NCOA6: variants seen among roughly 807,000 people sequenced by gnomAD.
NCOA6 encodes NRC RAP250.
A neutral mutation model predicts 171.4 loss-of-function variants in NCOA6; 49 were observed. The observed-to-expected ratio is 0.29, with a 90% CI of 0.23 to 0.36. NCOA6 has a LOEUF of 0.36. Among genes scored for constraint, NCOA6 ranks in the 10% least tolerant of loss-of-function variants. The pLI, the probability that NCOA6 is intolerant of heterozygous loss-of-function variation, is 1.00. For missense variants in NCOA6, 2,248 were observed against 2,554.5 expected (o/e 0.88, Z 2.59); for synonymous variants, 910 against 927.5 (o/e 0.98, Z 0.34).
intron 11 of NCOA6, among the ~76,000 whole-genome samples, chr20:34,738,489 C>G (rs1162978453): frequency 1.3e-5 from 2 of 151,864 alleles, no homozygotes; most frequent in African/African-American, 4.8e-5. Flanking sequence ...ACACCAGGTT[C>G]CCTTTTAATT....
At chr20:34,769,445 C>T (rs1222910623) in intron 4 of NCOA6, among the ~76,000 whole-genome samples, 1 of 150,618 alleles carries the variant, frequency 6.6e-6, no homozygotes, top group East Asian at 1.9e-4. Context: ...CTCACTGCAA[C>T]CTTCATCTCC....
intron 1 of NCOA6, among the ~76,000 whole-genome samples, chr20:34,806,752 C>T (rs943129855): frequency 6.6e-6 from 1 of 152,148 alleles, no homozygotes; most frequent in Non-Finnish European, 1.5e-5. Flanking sequence ...TATGGTGTTT[C>T]ATTGGTCTAT....
At chr20:34,767,783 A>G (rs1483875205) in intron 5 of NCOA6, among the ~76,000 whole-genome samples, 1 of 152,236 alleles carries the variant, frequency 6.6e-6, no homozygotes, top group Middle Eastern at 3.2e-3. Context: ...CCACTAGTGC[A>G]GTGAAAAAAG....
Position 34,740,395 on chromosome 20 carries a change from A to C in NCOA6, c.5861T>G (p.Val1954Gly), listed in dbSNP as rs1214503188. 1 of 1,614,108 alleles carries C rather than the reference A, an allele frequency of 6.2e-7. No homozygotes were observed. Among genetic ancestry groups the C allele is most frequent in the Non-Finnish European group, 8.5e-7 (1 of 1,179,998 alleles). Residue 1954 changes from valine (V) to glycine (G), a missense_variant, in exon 11 of 15, where the codon GTG (valine) becomes GGG (glycine). Physicochemically the swap from Val to Gly is moderately radical, Grantham distance 109. Coordinates refer to ENST00000359003, the MANE Select transcript of NCOA6 (RefSeq NM_014071.5). ...GGGTAGAAGTTCTGGATGGGATCCC[A>C]CCTTCTCCTCCACTAGGCCACCCGC... ...SLAGGLVEEK[V>G]GSHPELLPSI... is the part of the protein sequence containing the mutation.
At chr20:34,770,071 C>T (rs1312704132) in intron 4 of NCOA6, among the ~76,000 whole-genome samples, 5 of 150,312 alleles carry the variant, frequency 3.3e-5, no homozygotes, top group South Asian at 2.1e-4. Context: ...GATGGAGTCT[C>T]GCTCTGTCGC....
chr20:34,789,350 C>A (rs932191994), intron 2 of NCOA6, among the ~76,000 whole-genome samples: 2 of 152,208 alleles, frequency 1.3e-5, no homozygotes, highest in African/African-American at 2.4e-5. Flanking sequence ...TAAAGCCCTA[C>A]AAGGAGGAAA....
chr20:34,788,382 T>C (rs1475224855), intron 2 of NCOA6, among the ~76,000 whole-genome samples: 5 of 152,256 alleles, frequency 3.3e-5, no homozygotes, highest in East Asian at 3.9e-4. Context: ...CTTTTAAGCA[T>C]GTAGATTAAC....
intron 2 of NCOA6, among the ~76,000 whole-genome samples, chr20:34,783,306 ACAG>A (rs2077565958): frequency 1.3e-5 from 2 of 152,208 alleles, no homozygotes; most frequent in South Asian, 4.1e-4. Flanking sequence ...GTTGATATGG[ACAG>A]GTAATCTTTA....
chr20:34,738,452 C>G (rs1257001188), intron 11 of NCOA6, among the ~76,000 whole-genome samples: 2 of 152,170 alleles, frequency 1.3e-5, no homozygotes, highest in African/African-American at 4.8e-5. Context: ...AATGGAAATA[C>G]TTAATAGTGA....
intron 1 of NCOA6, among the ~76,000 whole-genome samples, chr20:34,821,823 G>A (rs1042650715): frequency 1.3e-5 from 2 of 152,026 alleles, no homozygotes; most frequent in Non-Finnish European, 2.9e-5. Flanking sequence ...TCCTGACCTC[G>A]TGATCCGCCC....
intron 1 of NCOA6, among the ~76,000 whole-genome samples, chr20:34,813,064 C>T (rs1193624661): frequency 6.6e-6 from 1 of 151,088 alleles, no homozygotes; most frequent in African/African-American, 2.4e-5. Flanking sequence ...GAGGCTGAGG[C>T]AGGAGAATTG....
At chr20:34,820,445 T>C (rs2146766004) in intron 1 of NCOA6, 2 of 151,946 alleles carry the variant, frequency 1.3e-5, no homozygotes, top group Middle Eastern at 6.8e-3. Context: ...TCAGAACTTT[T>C]TAACAAATGA....
intron 1 of NCOA6, among the ~76,000 whole-genome samples, chr20:34,816,201 T>C (rs1015087643): frequency 2.0e-5 from 3 of 152,218 alleles, no homozygotes; most frequent in Non-Finnish European, 1.5e-5. Flanking sequence ...TTAATAAATT[T>C]TAATTTAATG....
chr20:34,715,178 G>T lies in NCOA6; in HGVS notation c.*144C>A. On this transcript the variant is annotated 3_prime_UTR_variant, in exon 15 of 15. Transcript: ENST00000359003. ...TCCTGCTTTCCCCATTGCACTTTAT[G>T]AAACAGGTTGCAGGGACTAGGAAAA... 9.5e-7 allele frequency: 1 copy of T among 1,053,394 alleles called. No homozygotes were observed. Among genetic ancestry groups the T allele is most frequent in the Non-Finnish European group, 1.4e-6 (1 of 709,686 alleles). 65.3% of individuals were successfully genotyped at this position (1,053,394 alleles called of 1,614,324 possible). A position where few individuals can be genotyped will look rare whatever the true frequency, so the allele number is the denominator to read the frequency against.
At chr20:34,754,361 T>C (rs565169425) in intron 8 of NCOA6, among the ~76,000 whole-genome samples, 1 of 152,352 alleles carries the variant, frequency 6.6e-6, no homozygotes, top group East Asian at 1.9e-4. Flanking sequence ...CTTGTTTGTT[T>C]ATGTATTGTC....
intron 1 of NCOA6, chr20:34,809,340 A>G (rs140335652): frequency 5.6e-4 from 223 of 395,862 alleles, no homozygotes; most frequent in African/African-American, 3.7e-3. Flanking sequence ...TATGGACATT[A>G]GGATCAAAAT....
intron 13 of NCOA6, among the ~76,000 whole-genome samples, chr20:34,729,890 C>T (rs556791911): frequency 3.3e-5 from 5 of 151,992 alleles, no homozygotes; most frequent in East Asian, 1.9e-4. Flanking sequence ...GTATAACAGC[C>T]GCCCGACACC....
chr20:34,734,520 ATT>A (rs2075890346), intron 12 of NCOA6, among the ~76,000 whole-genome samples: 1 of 151,986 alleles, frequency 6.6e-6, no homozygotes, highest in African/African-American at 2.4e-5. Flanking sequence ...ATTTTTAAAA[ATT>A]TTTTGTAGAG....
chr20:34,782,267 G>A lies in NCOA6; in HGVS notation c.89C>T (p.Ser30Phe). Reference sequence around the variant, plus strand: ...TTTTGTGTCATCATCTTCTAGTCCAGAGTCAAAATCCATCTCTGAGTCTTC... The same window carrying A: ...TTTTGTGTCATCATCTTCTAGTCCAAAGTCAAAATCCATCTCTGAGTCTTC... ...TMEDSEMDFD[S>F]GLEDDDTKSD... The change falls in exon 3 of 15, where the codon TCT becomes TTT. Residue 30 changes from serine (S) to phenylalanine (F), a missense_variant. Coordinates refer to ENST00000359003, the MANE Select transcript of NCOA6 (RefSeq NM_014071.5). 1.2e-6 allele frequency: 2 copies of A among 1,612,824 alleles called. No homozygotes were observed. The highest frequency in any genetic ancestry group is 1.7e-6 in the Non-Finnish European group (2 of 1,179,458).
Sources: allele counts gnomAD v4.1 joint callset (sites outside exome capture counted in the v4.1 genomes callset), GRCh38; gene constraint gnomAD v4.1.1; transcripts MANE v1.5; gene names NCBI Gene and HGNC (gene_info 2026-07-23, HGNC 2026-07-21).